RYR1: variants seen among roughly 807,000 people sequenced by gnomAD.
RYR1 encodes the protein central core disease of muscle.
RYR1 carries 342 observed loss-of-function variants against 583.5 expected under a neutral mutation model. The ratio of observed to expected loss-of-function variants is 0.59; its 90% CI spans 0.54 to 0.64. RYR1 has a LOEUF of 0.64. RYR1 is among the 30% of genes least tolerant of loss of function. The pLI, the probability that RYR1 is intolerant of heterozygous loss-of-function variation, is 0.00. For synonymous variants in RYR1, 2,791 were observed against 2,822.5 expected (o/e 0.99, Z 0.35); for missense variants, 6,032 against 6,917.2 (o/e 0.87, Z 4.54).
Position 38,525,356 on chromosome 19 carries a change from A to T in RYR1, c.10480A>T (p.Thr3494Ser), listed in dbSNP as rs779971797. The T allele has an allele frequency of 1.2e-6, 2 of 1,613,928 alleles. No individual in the cohort carries two copies. Among genetic ancestry groups the T allele is most frequent in the African/African-American group, 1.3e-5 (1 of 74,948 alleles). Residue 3494 changes from threonine (T) to serine (S), a missense_variant, in exon 71 of 106, where the codon ACC (threonine) becomes TCC (serine). Coordinates refer to ENST00000359596, the MANE Select transcript of RYR1 (RefSeq NM_000540.3). ...GTCCGGTGGCTCGGACCAGGAACGCACCAAGAAGAAGCGCCGGGGGGACCG... is the reference window on the plus strand; with the variant it reads ...GTCCGGTGGCTCGGACCAGGAACGCTCCAAGAAGAAGCGCCGGGGGGACCG... ...IQSGGSDQER[T>S]KKKRRGDRYS... is the part of the protein sequence containing the mutation.
intron 24 of RYR1, 80 bp from the exon 25 acceptor site, chr19:38,467,530 C>A: frequency 6.8e-7 from 1 of 1,464,444 alleles, no homozygotes; most frequent in Non-Finnish European, 9.6e-7. Context: ...TCCCCCAAAG[C>A]CTGTCTTCTA....
At chr19:38,476,063 C>T (rs913313324) in intron 29 of RYR1, among the ~76,000 whole-genome samples, 7 of 152,006 alleles carry the variant, frequency 4.6e-5, no homozygotes, top group African/African-American at 1.5e-4. Context: ...TGCTCTGTTG[C>T]CCAGTCTGGA....
chr19:38,518,574 G>A (rs909296057), intron 66 of RYR1, among the ~76,000 whole-genome samples: 2 of 152,002 alleles, frequency 1.3e-5, no homozygotes, highest in South Asian at 2.1e-4. Flanking sequence ...AGTGAGGTAA[G>A]ACTCTGGGTA....
At chr19:38,537,569 G>GCAGACT (rs1972028658) in intron 83 of RYR1, among the ~76,000 whole-genome samples, 1 of 152,192 alleles carries the variant, frequency 6.6e-6, no homozygotes, top group Admixed American at 6.5e-5. Context: ...TGCTAGGTCA[G>GCAGACT]CAGACTCTCC....
chr19:38,488,149 G>T (rs1263702922), intron 34 of RYR1, among the ~76,000 whole-genome samples: 7 of 152,018 alleles, frequency 4.6e-5, no homozygotes, highest in African/African-American at 1.4e-4. Context: ...ATCCAGCCAT[G>T]TGGCCAACCA....
intron 92 of RYR1, 138 bp from the exon 93 acceptor site, chr19:38,567,635 T>G: frequency 8.1e-7 from 1 of 1,228,926 alleles, no homozygotes; most frequent in Non-Finnish European, 1.2e-6. Context: ...GTCCTGATTA[T>G]CTCATCATCC....
At chr19:38,522,023 A>T (rs985887164) in intron 67 of RYR1, among the ~76,000 whole-genome samples, 12 of 152,092 alleles carry the variant, frequency 7.9e-5, no homozygotes, top group Admixed American at 7.2e-4. Context: ...AAAAAATTTT[A>T]AAAAGTTTTT....
In RYR1 at chr19:38,536,960, C is replaced by G. The variant is rs540065773; in HGVS notation, c.11608+193C>G. 13 of 636,920 alleles carry G rather than the reference C, an allele frequency of 2.0e-5. No individual in the cohort carries two copies. The South Asian group carries it at 2.4e-4, about 12-fold the overall frequency. The allele number at this position is 636,920 out of a possible 1,614,324, so 39.5% of individuals were successfully genotyped here. Reference sequence around the variant, plus strand: ...CATGATTCAGGTCCCAGATCAGCCACTGAGAATACATGGGCCTGTGAACAA... The same window carrying G: ...CATGATTCAGGTCCCAGATCAGCCAGTGAGAATACATGGGCCTGTGAACAA... On this transcript the variant is annotated intron_variant, in intron 83 of 105. Transcript: ENST00000359596.
intron 68 of RYR1, 28 bp from the exon 69 acceptor site, chr19:38,523,189 C>T (rs370407907): frequency 2.4e-5 from 39 of 1,614,212 alleles, no homozygotes; most frequent in Middle Eastern, 1.6e-4. Context: ...TTCACCTGTC[C>T]GGTCTGCAAC....
At chr19:38,479,327 C>T (rs1968899071) in intron 31 of RYR1, among the ~76,000 whole-genome samples, 1 of 152,212 alleles carries the variant, frequency 6.6e-6, no homozygotes, top group Non-Finnish European at 1.5e-5. Context: ...ATTCACCTAC[C>T]TGTCCATTAA....
intron 87 of RYR1, among the ~76,000 whole-genome samples, chr19:38,545,534 C>T (rs1243631035): frequency 6.6e-6 from 1 of 152,196 alleles, no homozygotes; most frequent in East Asian, 1.9e-4. Flanking sequence ...CACTTTGGAT[C>T]TGGCACGGTG....
At chr19:38,506,673 C>T in intron 56 of RYR1, 127 bp downstream of exon 56, 1 of 1,473,118 alleles carries the variant, frequency 6.8e-7, no homozygotes, top group Non-Finnish European at 9.4e-7. Flanking sequence ...CGTTTACCAC[C>T]ATGGGGTAAT....
At chr19:38,443,898 G>T in intron 5 of RYR1, 102 bp downstream of exon 5, 1 of 1,127,300 alleles carries the variant, frequency 8.9e-7, no homozygotes, top group Non-Finnish European at 1.3e-6. Context: ...GACTACCCTG[G>T]GGACATGAAT....
intron 88 of RYR1, among the ~76,000 whole-genome samples, chr19:38,547,583 G>A (rs1972486646): frequency 6.6e-6 from 1 of 152,100 alleles, no homozygotes; most frequent in East Asian, 1.9e-4. Context: ...CACTTTACTG[G>A]CTATGTAACT....
At position 38,532,685 on chromosome 19, in the gene RYR1, G is replaced by A; in HGVS notation, c.11208G>A (p.Glu3736=). The change falls in exon 78 of 106, where the codon GAG becomes GAA. Residue 3736 remains glutamate (E), a synonymous_variant. Transcript: ENST00000359596. ...ADIMAKSCHL[E]EGGENGEAEE... is the part of the protein sequence containing the mutation. ...CCCCTCCCCAGAGCTGCCACCTGGA[G>A]GAGGGAGGGGAGAACGGTGAAGCTG... 1 of 1,614,186 alleles carries A rather than the reference G, an allele frequency of 6.2e-7. No individual in the cohort carries two copies. The highest frequency in any genetic ancestry group is 8.5e-7 in the Non-Finnish European group (1 of 1,180,038).
chr19:38,511,531 C>T (rs752882345), intron 60 of RYR1, 30 bp from the exon 61 acceptor site: 1 of 1,613,142 alleles, frequency 6.2e-7, no homozygotes, highest in South Asian at 1.1e-5. Context: ...CGCTGTTTCT[C>T]CTGCCTTCTG....
chr19:38,582,507 C>A (rs148184839), intron 101 of RYR1, among the ~76,000 whole-genome samples: 1 of 152,022 alleles, frequency 6.6e-6, no homozygotes, highest in Non-Finnish European at 1.5e-5. Context: ...TCACCCAGGC[C>A]GGGCGCAGTG....
chr19:38,462,293 G>C (rs1239831354), intron 20 of RYR1, among the ~76,000 whole-genome samples: 1 of 152,118 alleles, frequency 6.6e-6, no homozygotes, highest in African/African-American at 2.4e-5. Flanking sequence ...ATGGATATAG[G>C]CAAGATGCTT....
chr19:38,537,785 C>A, intron 83 of RYR1, 95 bp from the exon 84 acceptor site: 1 of 1,129,842 alleles, frequency 8.9e-7, no homozygotes, highest in Non-Finnish European at 1.3e-6. Flanking sequence ...ATGCTTTGTG[C>A]ATGCGTGTGC....
Sources: gnomAD v4.1 joint callset for allele counts (sites outside exome capture counted in the v4.1 genomes callset) on GRCh38, gnomAD v4.1.1 for gene constraint, MANE v1.5 for transcripts, NCBI Gene and HGNC (gene_info 2026-07-23, HGNC 2026-07-21) for gene names.